HDAC5: variants seen among roughly 807,000 people sequenced by gnomAD.
HDAC5 encodes the protein histone deacetylase 5.
Under a neutral mutation model 133.3 loss-of-function variants are expected in HDAC5, and 25 were observed. The ratio of observed to expected loss-of-function variants is 0.19; its 90% CI spans 0.14 to 0.26. The LOEUF is 0.26. HDAC5 is among the 10% of genes least tolerant of loss of function. The pLI is 1.00. For missense variants in HDAC5, 1,041 were observed against 1,460.5 expected (o/e 0.71, Z 4.68); for synonymous variants, 589 against 610.8 (o/e 0.96, Z 0.53).
chr17:44,094,309 G>A (rs1385590851), intron 3 of HDAC5, among the ~76,000 whole-genome samples: 4 of 151,050 alleles, frequency 2.6e-5, no homozygotes, highest in African/African-American at 9.8e-5. Flanking sequence ...GGGTGACAGA[G>A]CAAGACTGTC....
intron 3 of HDAC5, among the ~76,000 whole-genome samples, chr17:44,094,288 C>T (rs933518559): frequency 6.0e-5 from 9 of 150,834 alleles, no homozygotes; most frequent in South Asian, 2.1e-4. Context: ...CATGCAACTG[C>T]ACTCTAGCCT....
chr17:44,088,847 C>A (rs915190692), intron 11 of HDAC5, among the ~76,000 whole-genome samples: 2 of 152,090 alleles, frequency 1.3e-5, no homozygotes, highest in African/African-American at 4.8e-5. Flanking sequence ...CCATCTTTTC[C>A]CTTCGATTTC....
intron 11 of HDAC5, among the ~76,000 whole-genome samples, chr17:44,089,747 CAAAAAAAAAAA>C (rs869263828): frequency 5.6e-4 from 19 of 34,056 alleles, no homozygotes; most frequent in South Asian, 1.8e-3. Flanking sequence ...AACTTCGTCT[CAAAAAAAAAAA>C]AAAAAAAAAA....
intron 2 of HDAC5, among the ~76,000 whole-genome samples, chr17:44,114,364 G>C (rs1269551484): frequency 6.6e-6 from 1 of 152,216 alleles, no homozygotes; most frequent in African/African-American, 2.4e-5. Flanking sequence ...AAGGCTGGAA[G>C]GCAGGACACC....
chr17:44,085,050 T>C lies in HDAC5; in HGVS notation c.2156A>G (p.Gln719Arg). 6.3e-7 allele frequency: 1 copy of C among 1,594,192 alleles called. No homozygotes were observed. The highest frequency in any genetic ancestry group is 8.6e-7 in the Non-Finnish European group (1 of 1,163,332). Reference sequence around the variant, plus strand: ...GCACTTGCTAAGCAGGCCTGTCTCCTGCAGCCGGGACCAGATGCTCTGGAT... The same window carrying C: ...GCACTTGCTAAGCAGGCCTGTCTCCCGCAGCCGGGACCAGATGCTCTGGAT... ...GRIQSIWSRLQETGLLSKCER... is the reference protein window; with the variant it reads ...GRIQSIWSRLRETGLLSKCER... Residue 719 changes from glutamine to arginine, a missense_variant, in exon 15 of 27, where the codon CAG becomes CGG. Around this residue, in one of 9 missense-constraint regions of HDAC5, gnomAD observed 42 missense variants for 101.7 expected, o/e 0.41. Transcript: ENST00000682912.
In HDAC5 at chr17:44,117,969, GC is replaced by G. The variant is rs1266322801; in HGVS notation, c.-189-266del. On this transcript the variant is annotated intron_variant, in intron 1 of 26. Coordinates refer to ENST00000682912, the MANE Select transcript of HDAC5 (RefSeq NM_005474.5). This position sits in a 1 kb window ranked among gnomAD's most constrained non-coding sequence, Gnocchi z 4.2. ...CTTTTCAGGTGAGTGTCTACTGCCA[GC>G]TGGGGAGACCCTATAGACTCCCAAC... Among the ~76,000 whole-genome samples, 1 of 152,204 alleles carries G rather than the reference GC, an allele frequency of 6.6e-6. No individual in the cohort carries two copies. The highest frequency in any genetic ancestry group is 2.4e-5 in the African/African-American group (1 of 41,440).
At chr17:44,086,140 G>A (rs192000781) in intron 14 of HDAC5, among the ~76,000 whole-genome samples, 91 of 152,224 alleles carry the variant, frequency 6.0e-4, no homozygotes, top group African/African-American at 1.9e-3. Flanking sequence ...TGCCAAACCC[G>A]TGTCTTACTC....
rs2050323440 is a variant in HDAC5 at position 44,080,141 on chromosome 17, C to G, written c.2910G>C (p.Leu970=). 4 of 1,614,048 alleles carry G rather than the reference C, an allele frequency of 2.5e-6. No individual in the cohort carries two copies. Among genetic ancestry groups the G allele is most frequent in the Non-Finnish European group, 3.4e-6 (4 of 1,180,004 alleles). The change falls in exon 23 of 27, where the codon CTG becomes CTC. Residue 970 remains leucine (L), a synonymous_variant. Coordinates refer to ENST00000682912, the MANE Select transcript of HDAC5 (RefSeq NM_005474.5). ...SAGFDAVEGH[L]SPLGGYSVTA... ...TGACAGAGTAGCCACCCAGAGGAGA[C>G]AGATGTCCTTCAACAGCATCAAACC...
At position 44,092,283 on chromosome 17, in the gene HDAC5, C is replaced by T. The variant is rs779092387; in HGVS notation, c.921G>A (p.Ala307=). 1.1e-5 allele frequency: 17 copies of T among 1,613,772 alleles called. No homozygotes were observed. The highest frequency in any genetic ancestry group is 3.3e-5 in the Admixed American group (2 of 59,964). ...CGGGTGCGCTGTTACACACGGACGA[C>T]GCTATAGGAGAAGTGGCTGTCACCT... is the stretch of plus-strand genomic sequence containing the variant. The part of the protein sequence containing the change: ...AVEITGAGPG[A]SSVCNSAPGS... Residue 307 remains alanine (A), a splice_region_variant and synonymous_variant, in exon 9 of 27, where the codon GCG becomes GCA. Coordinates refer to ENST00000682912, the MANE Select transcript of HDAC5 (RefSeq NM_005474.5).
intron 14 of HDAC5, 69 bp from the exon 15 acceptor site, chr17:44,085,224 CCTCAGCAGGGCTCATGGAGCTGT>C: frequency 6.9e-7 from 1 of 1,455,292 alleles, no homozygotes; most frequent in Non-Finnish European, 9.2e-7. Flanking sequence ...CTACCATGAT[CCTCAGCAGGGCTCATGGAGCTGT>C]CTCCAACCCC....
chr17:44,095,825 G>A lies in HDAC5; in HGVS notation c.95-1991C>T, dbSNP rs574993142. ...ACAGCAGGGGGAGGGCAGGAGCTTC[G>A]GCAGAGATCTCAGAACTCTGGTCTT... is the stretch of plus-strand genomic sequence containing the variant. On this transcript the variant is annotated intron_variant, in intron 3 of 26. Coordinates refer to ENST00000682912, the MANE Select transcript of HDAC5 (RefSeq NM_005474.5). 4.3e-4 allele frequency among the ~76,000 whole-genome samples: 65 copies of A among 152,088 alleles called. No homozygotes were observed. In the East Asian group the frequency reaches 7.2e-3, roughly 17 times the overall value.
chr17:44,108,164 C>T (rs1234379846), intron 3 of HDAC5, among the ~76,000 whole-genome samples: 3 of 152,174 alleles, frequency 2.0e-5, no homozygotes, highest in Non-Finnish European at 2.9e-5. Flanking sequence ...TCGCTAAGAG[C>T]AGATGCTGAG....
chr17:44,087,837 CTCT>C (rs1470523048), intron 12 of HDAC5, 141 bp from the exon 13 acceptor site: 2 of 1,056,420 alleles, frequency 1.9e-6, no homozygotes, highest in South Asian at 2.6e-5. Flanking sequence ...GAGGTAGCTC[CTCT>C]GAGAGGACTT....
intron 20 of HDAC5, 37 bp from the exon 21 acceptor site, chr17:44,080,919 G>T (rs775760755): frequency 2.4e-5 from 39 of 1,613,584 alleles, no homozygotes; most frequent in Non-Finnish European, 3.2e-5. Flanking sequence ...AAAATGGCCC[G>T]CGCTCTGACC....
chr17:44,088,667 A>G (rs2050787080), intron 11 of HDAC5, 69 bp from the exon 12 acceptor site: 1 of 1,549,826 alleles, frequency 6.5e-7, no homozygotes, highest in Non-Finnish European at 8.7e-7. Context: ...CCGACCCTGC[A>G]TCTTGCCCCC....
chr17:44,078,179 C>G lies in HDAC5; in HGVS notation c.*197G>C. On this transcript the variant is annotated 3_prime_UTR_variant, in exon 27 of 27. Coordinates refer to ENST00000682912, the MANE Select transcript of HDAC5 (RefSeq NM_005474.5). ...GACAGGGCTGGGAAGACACCACCACCCCCTGCAGAGGGAGCAGGCTTCTAG... is the reference window on the plus strand; with the variant it reads ...GACAGGGCTGGGAAGACACCACCACGCCCTGCAGAGGGAGCAGGCTTCTAG... 1 of 515,682 alleles carries G rather than the reference C, an allele frequency of 1.9e-6. No individual in the cohort carries two copies. Among genetic ancestry groups the G allele is most frequent in the Non-Finnish European group, 3.4e-6 (1 of 297,030 alleles). 31.9% of individuals were successfully genotyped at this position (515,682 alleles called of 1,614,324 possible). A position where few individuals can be genotyped will look rare whatever the true frequency, so the allele number is the denominator to read the frequency against.
intron 1 of HDAC5, among the ~76,000 whole-genome samples, chr17:44,119,223 C>T (rs1019720481): frequency 1.3e-5 from 2 of 152,246 alleles, no homozygotes; most frequent in South Asian, 2.1e-4. Context: ...GCAGGGCCCA[C>T]GTGGGCAGGC....
intron 1 of HDAC5, among the ~76,000 whole-genome samples, chr17:44,121,324 C>T (rs1478141605): frequency 6.6e-6 from 1 of 152,002 alleles, no homozygotes; most frequent in African/African-American, 2.4e-5. Flanking sequence ...GTTTAATTAG[C>T]TAAAGTCGGC....
chr17:44,115,501 C>T (rs2052593744), intron 2 of HDAC5, among the ~76,000 whole-genome samples: 3 of 152,188 alleles, frequency 2.0e-5, no homozygotes, highest in Admixed American at 6.5e-5. Context: ...GGCACCCCAG[C>T]CCTAGCCCAG....
Sources: gnomAD v4.1 joint callset for allele counts (sites outside exome capture counted in the v4.1 genomes callset) on GRCh38, gnomAD v4.1.1 for gene constraint, gnomAD v4.1.1 regional missense constraint, Gnocchi (gnomAD v3.1) non-coding constraint, MANE v1.5 for transcripts, NCBI Gene and HGNC (gene_info 2026-07-23, HGNC 2026-07-21) for gene names.